NEDD9: variants seen among roughly 807,000 people sequenced by gnomAD.
NEDD9 encodes the protein neural precursor cell expressed, developmentally down-regulated 9, also known as enhancer of filamentation 1.
Under a neutral mutation model 76.6 loss-of-function variants are expected in NEDD9, and 26 were observed. The observed-to-expected ratio is 0.34, with a 90% confidence interval of 0.25 to 0.47. The LOEUF is 0.47. Ranked by LOEUF, NEDD9 falls within the 20% of genes least tolerant of loss-of-function variation. NEDD9 has a pLI of 1.00. For synonymous variants in NEDD9, 392 were observed against 414.2 expected, an observed-to-expected ratio of 0.95 and a Z score of 0.65; for missense variants, 937 against 1,058.5, an observed-to-expected ratio of 0.89 and a Z score of 1.59.
intron 2 of NEDD9, among the ~76,000 whole-genome samples, chr6:11,308,744 C>G (rs1761274684): frequency 6.6e-6 from 1 of 152,120 alleles, no homozygotes; most frequent in Non-Finnish European, 1.5e-5. Flanking sequence ...ATGCAGTTCT[C>G]CATCTGTACT....
rs576378736 is a variant in NEDD9 at position 11,213,349 on chromosome 6, C to A, written c.391G>T (p.Val131Leu). The A allele has an allele frequency of 6.2e-7, 1 of 1,614,100 alleles. No individual in the cohort carries two copies. Among genetic ancestry groups the A allele is most frequent in the South Asian group, 1.1e-5 (1 of 91,080 alleles). The stretch of plus-strand genomic sequence containing the variant: ...TGCACTGATGGTGGCACCTGATATA[C>A]CTCTTGTTCTTGGGTGCCGTGGCCA... The part of the protein sequence containing the change: ...PTGHGTQEQE[V>L]YQVPPSVQRS... The change falls in exon 2 of 7, where the codon GTA becomes TTA. Residue 131 changes from valine to leucine, a missense_variant. Coordinates refer to ENST00000379446, the MANE Select transcript of NEDD9 (RefSeq NM_006403.4). This position sits in a 1 kb window ranked among gnomAD's most constrained non-coding sequence, Gnocchi z 5.4.
chr6:11,321,186 AAAGAAGGAAGGAGGGAGGG>A, intron 2 of NEDD9, among the ~76,000 whole-genome samples: 1 of 143,456 alleles, frequency 7.0e-6, no homozygotes, highest in East Asian at 2.1e-4. Context: ...GGAGGGAGGG[AAAGAAGGAAGGAGGGAGGG>A]AAAGAAGGAA....
chr6:11,376,238 G>A (rs535603211), intron 1 of NEDD9, among the ~76,000 whole-genome samples: 10 of 152,330 alleles, frequency 6.6e-5, no homozygotes, highest in Admixed American at 5.2e-4. Flanking sequence ...TTGCTATAAA[G>A]ATAACTGAAA....
At chr6:11,270,217 G>A (rs574226402) in intron 3 of NEDD9, among the ~76,000 whole-genome samples, 6 of 152,304 alleles carry the variant, frequency 3.9e-5, no homozygotes, top group South Asian at 4.1e-4. Flanking sequence ...GCGCTTTCTC[G>A]CATTCTGTCA....
chr6:11,336,594 T>C (rs955187860), intron 1 of NEDD9, among the ~76,000 whole-genome samples: 44 of 152,106 alleles, frequency 2.9e-4, no homozygotes, highest in African/African-American at 9.7e-4. Context: ...TCTGGGTGAG[T>C]CAGTGAGTGA....
chr6:11,356,013 G>GCA lies in NEDD9; in HGVS notation c.-213-21453_-213-21452insTG, dbSNP rs1353158585. Among the ~76,000 whole-genome samples, 39 of 152,146 alleles carry GCA rather than the reference G, an allele frequency of 2.6e-4. 2 individuals are homozygous for GCA. The highest frequency in any genetic ancestry group is 3.9e-4 in the Admixed American group (6 of 15,272). On this transcript the variant is annotated intron_variant, in intron 1 of 3. Coordinates refer to the NEDD9 transcript ENST00000397378. ...TGGGATTGCAGGCGTGAGCCACCATGCCCGGCCGAGAGCTCTAGATTTTTA... is the reference window on the plus strand; with the variant it reads ...TGGGATTGCAGGCGTGAGCCACCATGCACCCGGCCGAGAGCTCTAGATTTTTA...
At chr6:11,194,970 C>T (rs149549644) in intron 2 of NEDD9, among the ~76,000 whole-genome samples, 1,659 of 152,298 alleles carry the variant, frequency 0.011, 26 homozygotes, top group African/African-American at 0.038. Flanking sequence ...GCGTTGCCCA[C>T]GACATCTTTG....
chr6:11,325,184 G>A (rs1038101241), intron 2 of NEDD9, among the ~76,000 whole-genome samples: 1 of 152,034 alleles, frequency 6.6e-6, no homozygotes, highest in Non-Finnish European at 1.5e-5. Context: ...GCAAAACCCT[G>A]TCTCTACTAA....
chr6:11,250,347 T>C (rs1246156348), intron 3 of NEDD9, among the ~76,000 whole-genome samples: 1 of 152,230 alleles, frequency 6.6e-6, no homozygotes, highest in Non-Finnish European at 1.5e-5. Context: ...CAATTGTATG[T>C]TGGCCTTGCT....
At chr6:11,271,284 AC>A (rs1219102456) in intron 3 of NEDD9, among the ~76,000 whole-genome samples, 5 of 152,118 alleles carry the variant, frequency 3.3e-5, no homozygotes, top group African/African-American at 1.2e-4. Flanking sequence ...TGATCCTCCC[AC>A]CTTGGCCTCT....
At chr6:11,255,962 T>C (rs1013227841) in intron 3 of NEDD9, among the ~76,000 whole-genome samples, 1 of 152,068 alleles carries the variant, frequency 6.6e-6, no homozygotes, top group Non-Finnish European at 1.5e-5. Flanking sequence ...CCTAATACTA[T>C]TTTTTTGCTA....
At chr6:11,379,187 G>A (rs1394037841) in intron 1 of NEDD9, among the ~76,000 whole-genome samples, 5 of 152,228 alleles carry the variant, frequency 3.3e-5, no homozygotes, top group East Asian at 3.8e-4. Flanking sequence ...AGGAGCCTGC[G>A]TTCTAGTGGG....
chr6:11,292,070 T>G (rs554473059), intron 3 of NEDD9, among the ~76,000 whole-genome samples: 5 of 152,364 alleles, frequency 3.3e-5, no homozygotes, highest in South Asian at 2.1e-4. Flanking sequence ...ATAGACTTAC[T>G]TTAATCCTTC....
chr6:11,372,701 G>A (rs937330960), intron 1 of NEDD9, among the ~76,000 whole-genome samples: 6 of 152,296 alleles, frequency 3.9e-5, no homozygotes, highest in African/African-American at 1.4e-4. Context: ...TAACTGTGGT[G>A]AAATGATATC....
chr6:11,293,878 A>T (rs1275541180), intron 3 of NEDD9, among the ~76,000 whole-genome samples: 4 of 152,060 alleles, frequency 2.6e-5, no homozygotes, highest in South Asian at 2.1e-4. Flanking sequence ...ATAAAGTGAG[A>T]TCATGTAGTA....
upstream of NEDD9, among the ~76,000 whole-genome samples, chr6:11,236,510 A>G (rs916452396): frequency 1.3e-5 from 2 of 152,240 alleles, no homozygotes; most frequent in Non-Finnish European, 2.9e-5. The surrounding 1 kb of genome is among the most constrained non-coding windows in gnomAD (Gnocchi z 5.5). Flanking sequence ...AGTGAAGGGC[A>G]AAGAGTGAAG....
chr6:11,362,449 A>G (rs1762694967), intron 1 of NEDD9, among the ~76,000 whole-genome samples: 1 of 151,998 alleles, frequency 6.6e-6, no homozygotes. Flanking sequence ...TCTGCCATTT[A>G]TTAGCATGTG....
rs114293375 is a variant in NEDD9 at position 11,361,552 on chromosome 6, T to G, written c.-214+20587A>C. Reference sequence around the variant, plus strand: ...AAATACAGCACCAAGCCATGAGGGATGCACCACCATGATCCAAACACCTCC... The same window carrying G: ...AAATACAGCACCAAGCCATGAGGGAGGCACCACCATGATCCAAACACCTCC... On this transcript the variant is annotated intron_variant, in intron 1 of 3. Coordinates refer to the NEDD9 transcript ENST00000397378. Among the ~76,000 whole-genome samples, 913 of 152,176 alleles carry G rather than the reference T, an allele frequency of 6.0e-3. 12 individuals carry two copies. The highest frequency in any genetic ancestry group is 0.021 in the African/African-American group (858 of 41,516).
chr6:11,251,336 T>C (rs1759909652), intron 3 of NEDD9: 1 of 152,194 alleles, frequency 6.6e-6, no homozygotes, highest in African/African-American at 2.4e-5. Flanking sequence ...TGGAGACATT[T>C]CAGAGAGCTT....
Sources: gnomAD v4.1 joint callset for allele counts (sites outside exome capture counted in the v4.1 genomes callset) on GRCh38, gnomAD v4.1.1 for gene constraint, Gnocchi (gnomAD v3.1) non-coding constraint, MANE v1.5 for transcripts, NCBI Gene and HGNC (gene_info 2026-07-23, HGNC 2026-07-21) for gene names.